Variants in KIAA1958 observed in about 807,000 individuals in gnomAD.
KIAA1958 encodes the protein uncharacterized protein KIAA1958.
A neutral mutation model predicts 47.2 loss-of-function variants in KIAA1958; 14 were observed. The ratio of observed to expected loss-of-function variants is 0.30; its 90% CI spans 0.20 to 0.46. KIAA1958 has a LOEUF of 0.46. KIAA1958 is among the 20% of genes least tolerant of loss of function. The probability of loss-of-function intolerance (pLI) is 1.00; values close to 1 mark genes in which losing one functional copy is unlikely to be tolerated. For synonymous variants in KIAA1958, 354 were observed against 353.3 expected, an observed-to-expected ratio of 1.00 and a Z score of -0.02; for missense variants, 803 against 909.2, an observed-to-expected ratio of 0.88 and a Z score of 1.50.
At chr9:112,495,213 AT>A (rs1429996451) in intron 1 of KIAA1958, among the ~76,000 whole-genome samples, 2 of 151,700 alleles carry the variant, frequency 1.3e-5, no homozygotes, top group Non-Finnish European at 2.9e-5. Flanking sequence ...GTGCCTGGCT[AT>A]TTTCTTAATT....
chr9:112,575,603 T>A (rs1468975010), intron 2 of KIAA1958, among the ~76,000 whole-genome samples: 1 of 152,160 alleles, frequency 6.6e-6, no homozygotes, highest in East Asian at 1.9e-4. Flanking sequence ...AGGTGTTTAG[T>A]TGCTGTTTGA....
In KIAA1958 at chr9:112,574,503, G is replaced by A. The variant is rs1428473545; in HGVS notation, c.423G>A (p.Glu141=). The A allele has an allele frequency of 1.2e-6, 2 of 1,614,096 alleles. No homozygotes were observed. Among genetic ancestry groups the A allele is most frequent in the South Asian group, 1.1e-5 (1 of 91,076 alleles). The change falls in exon 2 of 4, where the codon GAG becomes GAA. Residue 141 remains glutamate (E), a synonymous_variant. Transcript: ENST00000337530. ...AAACTGTTGAAGAATATGAAGATGA[G>A]AACACCCTGTTTGACATGGTTTGTG... The part of the protein sequence containing the change: ...LDETVEEYED[E]NTLFDMVCES...
At chr9:112,620,573 A>T (rs1836486750) in intron 2 of KIAA1958, among the ~76,000 whole-genome samples, 1 of 152,218 alleles carries the variant, frequency 6.6e-6, no homozygotes, top group Non-Finnish European at 1.5e-5. Flanking sequence ...TCAGCCATGG[A>T]CTTTGTGTCG....
intron 1 of KIAA1958, among the ~76,000 whole-genome samples, chr9:112,492,720 G>T (rs1280069596): frequency 2.0e-5 from 3 of 152,054 alleles, no homozygotes; most frequent in Non-Finnish European, 2.9e-5. Context: ...GTTTTTAAAT[G>T]CTTTATTTTT....
rs954841628 is a variant in KIAA1958 at position 112,525,947 on chromosome 9, T to C, written c.-25+38829T>C. The stretch of plus-strand genomic sequence containing the variant: ...TTCTTCTTCTTCTTCTTCTTCTTCT[T>C]CTTCTTCTTCTTCTTCTTCTTCTTC... On this transcript the variant is annotated intron_variant, in intron 1 of 3. Transcript: ENST00000337530. Among the ~76,000 whole-genome samples, 87 of 21,408 alleles carry C rather than the reference T, an allele frequency of 4.1e-3. 16 individuals carry two copies. The highest frequency in any genetic ancestry group is 0.013 in the African/African-American group (47 of 3,654). The allele number at this position is 21,408 out of a possible 152,430, so 14.0% of individuals were successfully genotyped here.
At chr9:112,529,960 C>T (rs1294117741) in intron 1 of KIAA1958, among the ~76,000 whole-genome samples, 1 of 152,158 alleles carries the variant, frequency 6.6e-6, no homozygotes, top group East Asian at 1.9e-4. Flanking sequence ...TCTCCTGCCT[C>T]AGCCTCCTGA....
At chr9:112,512,224 A>C (rs1037083946) in intron 1 of KIAA1958, among the ~76,000 whole-genome samples, 1 of 152,206 alleles carries the variant, frequency 6.6e-6, no homozygotes, top group Non-Finnish European at 1.5e-5. Context: ...AGTACAGACC[A>C]ATATTTCTCA....
chr9:112,511,828 G>T (rs1216436140), intron 1 of KIAA1958, among the ~76,000 whole-genome samples: 1 of 152,150 alleles, frequency 6.6e-6, no homozygotes, highest in African/African-American at 2.4e-5. Flanking sequence ...CCAATATTAG[G>T]ACTGAGAGAG....
At chr9:112,565,471 G>A (rs1199218014) in intron 1 of KIAA1958, among the ~76,000 whole-genome samples, 1 of 152,200 alleles carries the variant, frequency 6.6e-6, no homozygotes, top group East Asian at 1.9e-4. Context: ...CATTGCCCAT[G>A]TCAGATATGG....
At position 112,494,640 on chromosome 9, in the gene KIAA1958, G is replaced by C. The variant is rs1474234023; in HGVS notation, c.-25+7522G>C. Among the ~76,000 whole-genome samples the C allele has an allele frequency of 2.0e-5, 3 of 151,742 alleles. No individual in the cohort carries two copies. The East Asian group carries it at 5.8e-4, about 29-fold the overall frequency. Reference sequence around the variant, plus strand: ...GCATCACCATGCCCTACTAATTTTTGTGTTTTTTGTAGAGACAGGGTTTCA... The same window carrying C: ...GCATCACCATGCCCTACTAATTTTTCTGTTTTTTGTAGAGACAGGGTTTCA... On this transcript the variant is annotated intron_variant, in intron 1 of 3. Coordinates refer to ENST00000337530, the MANE Select transcript of KIAA1958 (RefSeq NM_133465.4).
rs572264807 is a variant in KIAA1958, at chr9:112,668,440, G to A, written c.*8371G>A. The A allele has an allele frequency of 1.4e-4, 22 of 152,330 alleles. No homozygotes were observed. In the South Asian group the frequency reaches 2.9e-3, roughly 20 times the overall value. 9.4% of individuals were successfully genotyped at this position (152,330 alleles called of 1,614,324 possible). A position where few individuals can be genotyped will look rare whatever the true frequency, so the allele number is the denominator to read the frequency against. On this transcript the variant is annotated 3_prime_UTR_variant, in exon 4 of 4. Coordinates refer to ENST00000337530, the MANE Select transcript of KIAA1958 (RefSeq NM_133465.4). ...TTTTATGGAACGCCATTTAAATTCA[G>A]ACATCAAGGGAATGAATGCAGTTTT...
intron 2 of KIAA1958, among the ~76,000 whole-genome samples, chr9:112,588,474 CAGT>C (rs1157369949): frequency 6.6e-6 from 1 of 152,040 alleles, no homozygotes; most frequent in African/African-American, 2.4e-5. Context: ...TGACTGTAAG[CAGT>C]ATTATTATTT....
chr9:112,621,842 A>T (rs1025215330), intron 2 of KIAA1958, among the ~76,000 whole-genome samples: 1 of 152,048 alleles, frequency 6.6e-6, no homozygotes, highest in South Asian at 2.1e-4. Flanking sequence ...CTCAAACTCC[A>T]GGGCTCAAGA....
intron 1 of KIAA1958, among the ~76,000 whole-genome samples, chr9:112,557,066 C>T (rs1336385324): frequency 6.6e-6 from 1 of 152,116 alleles, no homozygotes; most frequent in Non-Finnish European, 1.5e-5. Flanking sequence ...TCAAGTGATC[C>T]TCCCACCTCA....
intron 2 of KIAA1958, among the ~76,000 whole-genome samples, chr9:112,595,676 TAAAA>T (rs57064581): frequency 2.2e-4 from 30 of 133,510 alleles, no homozygotes; most frequent in Non-Finnish European, 2.8e-4. Context: ...AGACTCCATC[TAAAA>T]AAAAAAAAAA....
At chr9:112,537,014 T>C (rs1055513124) in intron 1 of KIAA1958, among the ~76,000 whole-genome samples, 2 of 152,154 alleles carry the variant, frequency 1.3e-5, no homozygotes, top group African/African-American at 4.8e-5. Flanking sequence ...TTAAAAGTTA[T>C]CAGTAAGAAG....
chr9:112,505,036 C>T (rs879010914), intron 1 of KIAA1958, among the ~76,000 whole-genome samples: 1 of 152,146 alleles, frequency 6.6e-6, no homozygotes. Flanking sequence ...TCATCCTCCC[C>T]TTGGTCCCCT....
chr9:112,663,689 T>C lies in KIAA1958; in HGVS notation c.*3620T>C, dbSNP rs1289076312. The C allele has an allele frequency of 6.6e-6, 1 of 152,230 alleles. No individual in the cohort carries two copies. Among genetic ancestry groups the C allele is most frequent in the Non-Finnish European group, 1.5e-5 (1 of 68,044 alleles). 9.4% of individuals were successfully genotyped at this position (152,230 alleles called of 1,614,324 possible). On this transcript the variant is annotated 3_prime_UTR_variant, in exon 4 of 4. Coordinates refer to ENST00000337530, the MANE Select transcript of KIAA1958 (RefSeq NM_133465.4). ...AGTGTGTTTGCAAAAAGGAATTTTA[T>C]GGAAGTACCTAACCAAAGCTGTGAC... is the stretch of plus-strand genomic sequence containing the variant.
intron 3 of KIAA1958, among the ~76,000 whole-genome samples, chr9:112,652,937 T>A (rs1837087592): frequency 6.6e-6 from 1 of 152,304 alleles, no homozygotes; most frequent in East Asian, 1.9e-4. Flanking sequence ...GGTTACATAG[T>A]GCCAATCATG....
Sources: allele counts gnomAD v4.1 joint callset (sites outside exome capture counted in the v4.1 genomes callset), GRCh38; gene constraint gnomAD v4.1.1; transcripts MANE v1.5; gene names NCBI Gene and HGNC (gene_info 2026-07-23, HGNC 2026-07-21).